SLC9A8: variants seen among roughly 807,000 people sequenced by gnomAD.
SLC9A8 encodes the protein sodium/hydrogen exchanger 8.
A neutral mutation model predicts 66.6 loss-of-function variants in SLC9A8; 48 were observed. The ratio of observed to expected loss-of-function variants is 0.72; its 90% confidence interval spans 0.57 to 0.92. SLC9A8 has a LOEUF of 0.92. SLC9A8 is among the 40% of genes least tolerant of loss of function. SLC9A8 has a pLI of 0.00. For synonymous variants in SLC9A8, 274 were observed against 282.6 expected, an observed-to-expected ratio of 0.97 and a Z score of 0.31; for missense variants, 599 against 747.3, an observed-to-expected ratio of 0.80 and a Z score of 2.31.
At chr20:49,822,317 A>G (rs991385386) in intron 2 of SLC9A8, among the ~76,000 whole-genome samples, 7 of 145,988 alleles carry the variant, frequency 4.8e-5, no homozygotes, top group African/African-American at 1.2e-4. Context: ...ATTTGTGTCA[A>G]TGCAATCTGT....
intron 15 of SLC9A8, 33 bp from the exon 16 acceptor site, chr20:49,887,796 G>A (rs371044438): frequency 3.3e-6 from 5 of 1,527,472 alleles, no homozygotes; most frequent in Non-Finnish European, 4.5e-6. Flanking sequence ...TGCCCCTGAC[G>A]CCCTGACGGC....
chr20:49,857,296 C>A (rs2088536504), intron 8 of SLC9A8, among the ~76,000 whole-genome samples: 1 of 152,216 alleles, frequency 6.6e-6, no homozygotes, highest in Non-Finnish European at 1.5e-5. Context: ...ACTGCCTTTG[C>A]TAAAGCATAA....
intron 2 of SLC9A8, among the ~76,000 whole-genome samples, chr20:49,817,076 C>T (rs1375020271): frequency 6.6e-6 from 1 of 150,482 alleles, no homozygotes; most frequent in Non-Finnish European, 1.5e-5. Context: ...ACCTATAATC[C>T]CAGCACTTTC....
intron 7 of SLC9A8, among the ~76,000 whole-genome samples, chr20:49,853,845 G>A (rs527349971): frequency 1.3e-5 from 2 of 152,164 alleles, no homozygotes; most frequent in Non-Finnish European, 2.9e-5. Flanking sequence ...CTGGGTTAAT[G>A]CGCATGAGTC....
intron 10 of SLC9A8, among the ~76,000 whole-genome samples, chr20:49,868,082 G>A (rs1329682100): frequency 6.6e-6 from 1 of 152,152 alleles, no homozygotes; most frequent in African/African-American, 2.4e-5. Flanking sequence ...TGAGTCATTC[G>A]GCTCTAGCCT....
rs553745579 is a variant in SLC9A8, at chr20:49,826,636, T to C, written c.289+3495T>C. ...CCACTTTTCATTCTTTATAAAAATA[T>C]AGTATCAACCTGAAGTTCTAAAGAG... is the stretch of plus-strand genomic sequence containing the variant. On this transcript the variant is annotated intron_variant, in intron 3 of 15. Coordinates refer to ENST00000361573, the MANE Select transcript of SLC9A8 (RefSeq NM_015266.3). 4.6e-5 allele frequency among the ~76,000 whole-genome samples: 7 copies of C among 152,352 alleles called. No individual in the cohort carries two copies. The East Asian group carries it at 7.7e-4, about 17-fold the overall frequency.
At chr20:49,884,338 C>CACACACACACCCA (rs1600823664) in intron 14 of SLC9A8, among the ~76,000 whole-genome samples, 1 of 44,570 alleles carries the variant, frequency 2.2e-5, no homozygotes, top group African/African-American at 9.3e-5. Flanking sequence ...ACACACACAC[C>CACACACACACCCA]CCCCGGTCAT....
At chr20:49,827,000 A>G (rs917729511) in intron 3 of SLC9A8, among the ~76,000 whole-genome samples, 5 of 151,122 alleles carry the variant, frequency 3.3e-5, no homozygotes, top group African/African-American at 9.7e-5. Context: ...CTGGAGTGCA[A>G]TCACGATCTT....
rs140538112 is a variant in SLC9A8, at chr20:49,820,556, G to GT, written c.209-2497dup. Among the ~76,000 whole-genome samples the GT allele has an allele frequency of 0.022, 3,370 of 151,342 alleles. 354 individuals carry two copies. The East Asian group carries it at 0.33, about 15-fold the overall frequency. Reference sequence around the variant, plus strand: ...TGAAATTGTATTTTTGTTTTGTTTTGTTTTTTTTGAGATGGAATCTTGCTC... The same window carrying GT: ...TGAAATTGTATTTTTGTTTTGTTTTGTTTTTTTTTGAGATGGAATCTTGCTC... On this transcript the variant is annotated intron_variant, in intron 2 of 15. Transcript: ENST00000361573.
chr20:49,834,177 CTCTCT>C (rs2087340215), intron 3 of SLC9A8, among the ~76,000 whole-genome samples: 3 of 56,940 alleles, frequency 5.3e-5, no homozygotes, highest in African/African-American at 2.0e-4. Flanking sequence ...CTCTCTCTCT[CTCTCT>C]CTCTATATAT....
Position 49,862,976 on chromosome 20 carries a change from G to A in SLC9A8, c.761G>A (p.Trp254Ter), listed in dbSNP as rs371764030. 4 of 1,613,748 alleles carry A rather than the reference G, an allele frequency of 2.5e-6. No individual in the cohort carries two copies. The Admixed American group carries it at 6.7e-5, about 27-fold the overall frequency. ...TRKNMSDVSG[W>*]QTFLQALDYF... is the part of the protein sequence containing the mutation. ...AAAAATATGTCAGATGTCAGTGGGT[G>A]GCAAACATTTTTACAAGCCCTTGAC... The change falls in exon 9 of 16, where the codon TGG becomes TAG. Residue 254 changes from tryptophan (W) to a stop codon, truncating the protein, a stop_gained. Coordinates refer to ENST00000361573, the MANE Select transcript of SLC9A8 (RefSeq NM_015266.3). LOFTEE classifies it high-confidence loss of function.
chr20:49,835,919 C>T (rs2087516809), intron 3 of SLC9A8, among the ~76,000 whole-genome samples: 1 of 151,984 alleles, frequency 6.6e-6, no homozygotes, highest in Admixed American at 6.6e-5. Flanking sequence ...AACTCCTGAC[C>T]TCAGCCTCCC....
intron 12 of SLC9A8, among the ~76,000 whole-genome samples, chr20:49,880,699 C>T (rs2089595469): frequency 6.6e-6 from 1 of 152,170 alleles, no homozygotes; most frequent in Non-Finnish European, 1.5e-5. Flanking sequence ...AGAAAGGTAA[C>T]GTACAAAGCT....
At chr20:49,829,660 G>A (rs2087089845) in intron 3 of SLC9A8, 6 of 469,358 alleles carry the variant, frequency 1.3e-5, no homozygotes, top group Non-Finnish European at 2.5e-5. Context: ...ATTCACAAGG[G>A]TAAACTATTC....
chr20:49,812,988 T>C, intron 1 of SLC9A8, 40 bp downstream of exon 1: 2 of 1,367,150 alleles, frequency 1.5e-6, no homozygotes, highest in Admixed American at 3.6e-5. Context: ...GCGGCGGGGC[T>C]GGGCCCCGGC....
At chr20:49,846,679 C>T (rs562180373) in intron 5 of SLC9A8, among the ~76,000 whole-genome samples, 25 of 152,098 alleles carry the variant, frequency 1.6e-4, no homozygotes, top group African/African-American at 5.3e-4. Context: ...TTTGAGAGGC[C>T]GAGGTGGGTG....
intron 3 of SLC9A8, among the ~76,000 whole-genome samples, chr20:49,834,399 T>C (rs1241659341): frequency 9.3e-5 from 6 of 64,204 alleles, no homozygotes; most frequent in African/African-American, 3.9e-4. Context: ...TATATATATA[T>C]ACTGTGTATA....
rs1028212602 is a variant in SLC9A8, at chr20:49,888,164, C to T, written c.*228C>T. The T allele has an allele frequency of 4.3e-6, 2 of 466,208 alleles. No homozygotes were observed. The highest frequency in any genetic ancestry group is 2.0e-5 in the African/African-American group (1 of 49,778). The allele number at this position is 466,208 out of a possible 1,614,324, so 28.9% of individuals were successfully genotyped here. ...ATCTCCCGACTCCTCCCTGAGCCAG[C>T]CTCCGCTCAGTGTGGCTCCTCAGCC... On this transcript the variant is annotated 3_prime_UTR_variant, in exon 16 of 16. Transcript: ENST00000361573.
chr20:49,868,332 G>A (rs1199121203), intron 10 of SLC9A8, among the ~76,000 whole-genome samples: 1 of 152,216 alleles, frequency 6.6e-6, no homozygotes, highest in Non-Finnish European at 1.5e-5. Context: ...CTGCCTCTGG[G>A]TGAGGGAACC....
Sources: gnomAD v4.1 joint callset for allele counts (sites outside exome capture counted in the v4.1 genomes callset) on GRCh38, gnomAD v4.1.1 for gene constraint, MANE v1.5 for transcripts, NCBI Gene and HGNC (gene_info 2026-07-23, HGNC 2026-07-21) for gene names.